Variants in GLI2 observed in about 807,000 individuals in gnomAD.
GLI2 encodes the protein GLI family zinc finger 2.
In GLI2, 22 loss-of-function variants were observed where a neutral mutation model predicts 78.9. The ratio of observed to expected loss-of-function variants is 0.28; its 90% CI spans 0.20 to 0.40. GLI2 has a LOEUF of 0.40. Among genes scored for constraint, GLI2 ranks in the 10% least tolerant of loss-of-function variants. GLI2 has a pLI of 1.00. For synonymous variants in GLI2, 974 were observed against 963.7 expected (o/e 1.01, Z -0.20); for missense variants, 2,097 against 2,213.2 (o/e 0.95, Z 1.05).
intron 2 of GLI2, among the ~76,000 whole-genome samples, chr2:120,877,694 C>T (rs539645387): frequency 1.3e-5 from 2 of 152,282 alleles, no homozygotes; most frequent in Admixed American, 1.3e-4. Flanking sequence ...TACCTGTAGT[C>T]GTGGTTTGCT....
At chr2:120,985,174 C>T (rs1293034038) in intron 12 of GLI2, among the ~76,000 whole-genome samples, 1 of 152,206 alleles carries the variant, frequency 6.6e-6, no homozygotes, top group East Asian at 1.9e-4. Flanking sequence ...TTTTTCCTGA[C>T]TGTACCTCCC....
intron 2 of GLI2, among the ~76,000 whole-genome samples, chr2:120,813,674 C>T (rs564826362): frequency 6.6e-6 from 1 of 152,314 alleles, no homozygotes; most frequent in East Asian, 1.9e-4. Context: ...ACCCTGGCCC[C>T]TCACTGCTGA....
chr2:120,949,077 G>C (rs962952747), intron 3 of GLI2, among the ~76,000 whole-genome samples: 2 of 152,144 alleles, frequency 1.3e-5, no homozygotes, highest in Non-Finnish European at 2.9e-5. Flanking sequence ...CACCCATCCC[G>C]TGGCAGGATG....
At chr2:120,897,991 T>A (rs966740119) in intron 2 of GLI2, among the ~76,000 whole-genome samples, 8 of 152,114 alleles carry the variant, frequency 5.3e-5, no homozygotes, top group African/African-American at 1.9e-4. Flanking sequence ...CCTTGGGAAC[T>A]GCACCTTTCT....
At chr2:120,934,107 A>T (rs1680080528) in intron 3 of GLI2, among the ~76,000 whole-genome samples, 1 of 152,166 alleles carries the variant, frequency 6.6e-6, no homozygotes, top group Admixed American at 6.5e-5. Flanking sequence ...CATAGGCCAG[A>T]GTTTGGGGAC....
chr2:120,907,445 G>T (rs987407455), intron 2 of GLI2, among the ~76,000 whole-genome samples: 3 of 152,166 alleles, frequency 2.0e-5, no homozygotes, highest in African/African-American at 7.2e-5. Context: ...GCTCTGGGTG[G>T]CAATGGCCTC....
chr2:120,875,553 C>T (rs1688694823), intron 2 of GLI2, among the ~76,000 whole-genome samples: 1 of 152,208 alleles, frequency 6.6e-6, no homozygotes, highest in South Asian at 2.1e-4. Flanking sequence ...CGCCCTGTGC[C>T]GAGTGCTAAC....
rs550045381 is a variant in GLI2, at chr2:120,890,889, T to A, written c.149-36472T>A. Among the ~76,000 whole-genome samples the A allele has an allele frequency of 3.8e-4, 58 of 152,212 alleles. 1 individual carries two copies. The South Asian group carries it at 0.011, about 29-fold the overall frequency. On this transcript the variant is annotated intron_variant, in intron 2 of 13. Transcript: ENST00000361492. The stretch of plus-strand genomic sequence containing the variant: ...CTTCGTGAAGCTGGTACCCAGGTAG[T>A]GGGGAGGAGAGAGGATGTGTGTCCT...
At chr2:120,841,888 T>TGTGTGTGTGTGTGTGTGTGTGTGTGA (rs768879101) in intron 2 of GLI2, among the ~76,000 whole-genome samples, 17 of 150,790 alleles carry the variant, frequency 1.1e-4, no homozygotes, top group African/African-American at 2.4e-4. Context: ...TGTGTGTGTG[T>TGTGTGTGTGTGTGTGTGTGTGTGTGA]GATGCTGGGC....
At chr2:120,902,185 A>ACCC (rs11358856) in intron 2 of GLI2, among the ~76,000 whole-genome samples, 4 of 116,286 alleles carry the variant, frequency 3.4e-5, no homozygotes, top group South Asian at 3.0e-4. Flanking sequence ...ATTGACACCC[A>ACCC]CCCCCCCCCA....
Position 120,988,833 on chromosome 2 carries a change from G to A in GLI2, c.2868G>A (p.Val956=). The change falls in exon 14 of 14, where the codon GTG becomes GTA. Residue 956 remains valine, a synonymous_variant. Transcript: ENST00000361492. ...GAGCCAGGCGGGCCAGCGACCCTGT[G>A]CGGCGGCCCGATGCCCTGTCCCTGC... The part of the protein sequence containing the change: ...GGGARRASDP[V]RRPDALSLPR... 6.8e-7 allele frequency: 1 copy of A among 1,469,376 alleles called. No individual in the cohort carries two copies. Among genetic ancestry groups the A allele is most frequent in the East Asian group, 3.0e-5 (1 of 33,404 alleles). The allele number at this position is 1,469,376 out of a possible 1,614,324, so 91.0% of individuals were successfully genotyped here. A position where few individuals can be genotyped will look rare whatever the true frequency, so the allele number is the denominator to read the frequency against.
chr2:120,990,212 C>T lies in GLI2; in HGVS notation c.4247C>T (p.Pro1416Leu), dbSNP rs1558945509. 9.9e-6 allele frequency: 16 copies of T among 1,613,438 alleles called. No individual in the cohort carries two copies. Among genetic ancestry groups the T allele is most frequent in the East Asian group, 8.9e-5 (4 of 44,888 alleles). Residue 1416 changes from proline to leucine, a missense_variant, in exon 14 of 14, where the codon CCG becomes CTG. Physicochemically the swap from Pro to Leu is moderately conservative, Grantham distance 98 (BLOSUM62 -3). Transcript: ENST00000361492. ...GGGTCGGTGCCTCCCCAGCCGCCTC[C>T]GCAGGACGCAGGTGGGGCCCCGGAC... ...NMGSVPPQPP[P>L]QDAGGAPDHS...
At chr2:120,791,136 A>G (rs1684142967) in intron 1 of GLI2, among the ~76,000 whole-genome samples, 1 of 152,168 alleles carries the variant, frequency 6.6e-6, no homozygotes, top group Non-Finnish European at 1.5e-5. Context: ...GGGAGAATTC[A>G]ATGCCTCATG....
chr2:120,953,930 C>A (rs759385772), intron 4 of GLI2, among the ~76,000 whole-genome samples: 4 of 152,116 alleles, frequency 2.6e-5, no homozygotes, highest in Non-Finnish European at 5.9e-5. Flanking sequence ...GGATGGAGTG[C>A]CATGCTATGC....
At chr2:120,957,684 C>T (rs1195588265) in intron 5 of GLI2, among the ~76,000 whole-genome samples, 8 of 152,170 alleles carry the variant, frequency 5.3e-5, no homozygotes, top group Admixed American at 2.6e-4. Context: ...GCCAGGCAGC[C>T]GGGAGTCATC....
intron 2 of GLI2, among the ~76,000 whole-genome samples, chr2:120,877,898 T>G (rs947615808): frequency 2.0e-5 from 3 of 152,174 alleles, no homozygotes; most frequent in African/African-American, 7.2e-5. Context: ...ATGGAACTGC[T>G]GGGTTATAGG....
chr2:120,970,640 G>C (rs764651661), intron 7 of GLI2, 34 bp downstream of exon 7: 1 of 1,519,082 alleles, frequency 6.6e-7, no homozygotes, highest in Non-Finnish European at 9.1e-7. Context: ...TGGCCACTGG[G>C]TACTCATCTG....
chr2:120,876,198 C>T (rs1190122354), intron 2 of GLI2, among the ~76,000 whole-genome samples: 2 of 152,048 alleles, frequency 1.3e-5, no homozygotes, highest in South Asian at 2.1e-4. Flanking sequence ...AAAACTTAGC[C>T]GGGCGTGGTG....
chr2:120,773,310 G>C (rs1015681779), intron 1 of GLI2, among the ~76,000 whole-genome samples: 4 of 152,154 alleles, frequency 2.6e-5, no homozygotes, highest in Admixed American at 2.0e-4. Context: ...GTGCCTGATG[G>C]TGAGTGGCAT....
Sources: gnomAD v4.1 joint callset for allele counts (sites outside exome capture counted in the v4.1 genomes callset) on GRCh38, gnomAD v4.1.1 for gene constraint, MANE v1.5 for transcripts, NCBI Gene and HGNC (gene_info 2026-07-23, HGNC 2026-07-21) for gene names.